Variants in INPP5D observed in about 807,000 individuals in gnomAD.
INPP5D encodes the protein phosphatidylinositol 3,4,5-trisphosphate 5-phosphatase 1.
A neutral mutation model predicts 122.9 loss-of-function variants in INPP5D; 33 were observed. The ratio of observed to expected loss-of-function variants is 0.27; its 90% confidence interval spans 0.20 to 0.36. INPP5D has a LOEUF of 0.36. Ranked by LOEUF, INPP5D falls within the 10% of genes least tolerant of loss-of-function variation. The pLI is 1.00. For missense variants in INPP5D, 1,053 were observed against 1,412.7 expected, an observed-to-expected ratio of 0.75 and a Z score of 4.08; for synonymous variants, 584 against 576.2, an observed-to-expected ratio of 1.01 and a Z score of -0.19.
intron 22 of INPP5D, among the ~76,000 whole-genome samples, chr2:233,190,382 T>A (rs1695022516): frequency 6.6e-6 from 1 of 152,092 alleles, no homozygotes; most frequent in Non-Finnish European, 1.5e-5. Context: ...AGCTCACAGG[T>A]CTGGAGCTGC....
chr2:233,074,618 T>G (rs190481012), intron 1 of INPP5D, among the ~76,000 whole-genome samples: 5 of 151,862 alleles, frequency 3.3e-5, no homozygotes, highest in East Asian at 1.9e-4. Context: ...ATAGTTTTTT[T>G]TGTGTTTTTT....
chr2:233,193,978 TC>T lies in INPP5D; in HGVS notation c.2596+21del, dbSNP rs1559345186. ...AGCTCTATGGTAAGCAGCAAGCCCC[TC>T]CCCAGCGCCCTCTTCAGCCCCCCAC... On this transcript the variant is annotated intron_variant, in intron 23 of 26. Transcript: ENST00000445964. 5.1e-6 allele frequency: 8 copies of T among 1,573,114 alleles called. No homozygotes were observed. The highest frequency in any genetic ancestry group is 2.0e-4 in the Middle Eastern group (1 of 4,934).
intron 5 of INPP5D, among the ~76,000 whole-genome samples, chr2:233,139,105 A>G (rs929363589): frequency 0.034 from 5,157 of 152,172 alleles, 172 homozygotes; most frequent in East Asian, 0.18. Context: ...CCAAATATCT[A>G]GCAATCGATT....
intron 1 of INPP5D, among the ~76,000 whole-genome samples, chr2:233,075,380 G>T (rs1413367276): frequency 6.6e-6 from 1 of 152,212 alleles, no homozygotes; most frequent in Non-Finnish European, 1.5e-5. Flanking sequence ...CTGGGGAAGG[G>T]CTGGGCGGGA....
chr2:233,191,824 G>T (rs1459822812), intron 22 of INPP5D, among the ~76,000 whole-genome samples: 1 of 152,190 alleles, frequency 6.6e-6, no homozygotes, highest in Non-Finnish European at 1.5e-5. Flanking sequence ...TATTTGAAAT[G>T]GAAAACCTTT....
intron 20 of INPP5D, among the ~76,000 whole-genome samples, 196 bp downstream of exon 20, chr2:233,184,717 G>A (rs930894624): frequency 2.6e-5 from 4 of 152,228 alleles, no homozygotes; most frequent in African/African-American, 9.6e-5. Flanking sequence ...GGCCTGTGCA[G>A]CCCTAGGGGC....
At chr2:233,147,966 G>T (rs1404981080) in intron 9 of INPP5D, among the ~76,000 whole-genome samples, 4 of 152,216 alleles carry the variant, frequency 2.6e-5, no homozygotes, top group Non-Finnish European at 5.9e-5. Context: ...GACCTCTCTA[G>T]CCCTCAGTTT....
chr2:233,143,819 G>GTGGTGA (rs1184352407), intron 6 of INPP5D, among the ~76,000 whole-genome samples: 5 of 152,024 alleles, frequency 3.3e-5, no homozygotes, highest in Non-Finnish European at 7.4e-5. Flanking sequence ...GGAGATGGTG[G>GTGGTGA]TGGTGATGGT....
rs1691042061 is a variant in INPP5D at position 233,060,545 on chromosome 2, G to A, written c.67G>A (p.Gly23Ser). 6.2e-7 allele frequency: 1 copy of A among 1,613,878 alleles called. No homozygotes were observed. ...SKAEELLSRT[G>S]KDGSFLVRAS... ...GGCGGAGGAGCTGCTTTCCAGGACA[G>A]GCAAGGACGGGAGCTTCCTCGTGCG... The change falls in exon 1 of 27, where the codon GGC becomes AGC. Residue 23 changes from glycine (G) to serine (S), a missense_variant. Physicochemically the swap from Gly to Ser is moderately conservative, Grantham distance 56. Transcript: ENST00000445964.
chr2:233,111,226 A>C (rs1692617677), intron 2 of INPP5D, among the ~76,000 whole-genome samples: 1 of 152,236 alleles, frequency 6.6e-6, no homozygotes. Flanking sequence ...CAAAATCAGG[A>C]AATTAACATG....
chr2:233,184,267 G>C, intron 19 of INPP5D, 141 bp from the exon 20 acceptor site: 1 of 1,242,610 alleles, frequency 8.0e-7, no homozygotes. Context: ...GGATTTCGCT[G>C]TAGCTTTAGT....
intron 1 of INPP5D, among the ~76,000 whole-genome samples, chr2:233,065,001 C>T (rs1177374630): frequency 6.6e-6 from 1 of 152,236 alleles, no homozygotes; most frequent in Admixed American, 6.5e-5. Flanking sequence ...CTGGCTCACA[C>T]CAGAAAGCCG....
rs762536201 is a variant in INPP5D at position 233,195,416 on chromosome 2, C to T, written c.2614C>T (p.Arg872Cys). The change falls in exon 24 of 27, where the codon CGT becomes TGT. Residue 872 changes from arginine (R) to cysteine (C), a missense_variant. Arg to Cys is a radical substitution (Grantham distance 180). Coordinates refer to ENST00000445964, the MANE Select transcript of INPP5D (RefSeq NM_001017915.3). ...CCTTCCAGACTTTGTGAAGACGGAG[C>T]GTGATGAATCCAGTGGGCCAAAGAC... Reference protein sequence around the residue: ...EKLYDFVKTERDESSGPKTLK... With the variant: ...EKLYDFVKTECDESSGPKTLK... The T allele has an allele frequency of 2.7e-5, 44 of 1,611,892 alleles. No homozygotes were observed. The highest frequency in any genetic ancestry group is 3.4e-5 in the Non-Finnish European group (40 of 1,178,710).
intron 3 of INPP5D, among the ~76,000 whole-genome samples, chr2:233,124,497 C>G (rs1466296339): frequency 1.3e-5 from 2 of 152,200 alleles, no homozygotes; most frequent in Non-Finnish European, 2.9e-5. Context: ...CCTCCCTGGT[C>G]TGAGTGAGCA....
Position 233,060,363 on chromosome 2 carries a change from C to T in INPP5D, c.-116C>T, listed in dbSNP as rs907539205. ...AGTCAGTTAAGCTGGTGGCAGCAGC[C>T]GAGGCCACCAAGAGGCAACGGGCGG... On this transcript the variant is annotated 5_prime_UTR_variant, in exon 1 of 27. Coordinates refer to ENST00000445964, the MANE Select transcript of INPP5D (RefSeq NM_001017915.3). 1.6e-6 allele frequency: 2 copies of T among 1,224,202 alleles called. No individual in the cohort carries two copies. The highest frequency in any genetic ancestry group is 1.1e-6 in the Non-Finnish European group (1 of 890,916). The allele number at this position is 1,224,202 out of a possible 1,614,324, so 75.8% of individuals were successfully genotyped here. A position where few individuals can be genotyped will look rare whatever the true frequency, so the allele number is the denominator to read the frequency against.
At chr2:233,122,020 C>T (rs557572539) in intron 2 of INPP5D, 87 bp from the exon 3 acceptor site, 10 of 1,489,980 alleles carry the variant, frequency 6.7e-6, no homozygotes, top group African/African-American at 5.5e-5. Context: ...CCCTCCGCCT[C>T]GCTGGTCTCT....
intron 16 of INPP5D, 55 bp from the exon 17 acceptor site, chr2:233,171,009 G>A: frequency 6.3e-7 from 1 of 1,594,152 alleles, no homozygotes; most frequent in Non-Finnish European, 8.5e-7. Context: ...AGGGAAAATT[G>A]GCCAGATGCA....
chr2:233,206,584 C>T lies in INPP5D; in HGVS notation c.3568-122C>T. 1.5e-6 allele frequency: 1 copy of T among 659,716 alleles called. No homozygotes were observed. Among genetic ancestry groups the T allele is most frequent in the South Asian group, 1.7e-5 (1 of 59,888 alleles). 40.9% of individuals were successfully genotyped at this position (659,716 alleles called of 1,614,324 possible). On this transcript the variant is annotated intron_variant, in intron 26 of 26. Transcript: ENST00000445964. The surrounding 1 kb of genome is among the most constrained non-coding windows in gnomAD (Gnocchi z 4.0). ...GTACTTAGAGCAGTGAGTGCTGGCTCTTCTCAGCTACACGTTAAAGGAAGC... is the reference window on the plus strand; with the variant it reads ...GTACTTAGAGCAGTGAGTGCTGGCTTTTCTCAGCTACACGTTAAAGGAAGC...
At chr2:233,065,184 C>T (rs1029070006) in intron 1 of INPP5D, among the ~76,000 whole-genome samples, 3 of 152,198 alleles carry the variant, frequency 2.0e-5, no homozygotes, top group Non-Finnish European at 4.4e-5. Flanking sequence ...TCTGTGCCTA[C>T]GCTCAGCCCC....
Sources: gnomAD v4.1 joint callset for allele counts (sites outside exome capture counted in the v4.1 genomes callset) on GRCh38, gnomAD v4.1.1 for gene constraint, Gnocchi (gnomAD v3.1) non-coding constraint, MANE v1.5 for transcripts, NCBI Gene and HGNC (gene_info 2026-07-23, HGNC 2026-07-21) for gene names.